Variants in ADGRL3 observed in about 807,000 individuals in gnomAD.
ADGRL3 encodes calcium-independent alpha-latrotoxin receptor 3.
A neutral mutation model predicts 153.5 loss-of-function variants in ADGRL3; 62 were observed. The ratio of observed to expected loss-of-function variants is 0.40; its 90% confidence interval spans 0.33 to 0.50. The LOEUF (loss-of-function observed/expected upper bound fraction) is 0.50. ADGRL3 is among the 20% of genes least tolerant of loss of function. ADGRL3 has a pLI of 0.47. For synonymous variants in ADGRL3, 710 were observed against 672.5 expected (o/e 1.06, Z -0.86); for missense variants, 1,641 against 1,859.4 (o/e 0.88, Z 2.16).
At chr4:61,505,331 GA>G (rs1215608260) in intron 3 of ADGRL3, among the ~76,000 whole-genome samples, 3 of 152,018 alleles carry the variant, frequency 2.0e-5, no homozygotes, top group African/African-American at 7.2e-5. Flanking sequence ...ACCCTTGTCA[GA>G]TGATAGTTTG....
Position 61,641,723 on chromosome 4 carries a change from T to G in ADGRL3, c.474-35103T>G, listed in dbSNP as rs575086933. The stretch of plus-strand genomic sequence containing the variant: ...TGGGTTGGTTCCAAGTCTTTGCTAT[T>G]GTGAATAATGCCACAATAAACATAC... On this transcript the variant is annotated intron_variant, in intron 5 of 26. Transcript: ENST00000683033. Among the ~76,000 whole-genome samples the G allele has an allele frequency of 1.4e-4, 21 of 151,916 alleles. No homozygotes were observed. The East Asian group carries it at 4.1e-3, about 30-fold the overall frequency.
At chr4:61,247,783 A>T (rs189980712) in intron 1 of ADGRL3, among the ~76,000 whole-genome samples, 49 of 152,184 alleles carry the variant, frequency 3.2e-4, no homozygotes, top group Admixed American at 6.6e-4. Context: ...AGATATTAAA[A>T]TGATACTCAA....
At chr4:61,386,191 A>G (rs2151950650) in intron 2 of ADGRL3, among the ~76,000 whole-genome samples, 1 of 152,288 alleles carries the variant, frequency 6.6e-6, no homozygotes, top group African/African-American at 2.4e-5. Flanking sequence ...AAAAATGAAG[A>G]TTATTTTACT....
At chr4:61,968,279 G>T (rs74981217) in intron 17 of ADGRL3, among the ~76,000 whole-genome samples, 3 of 152,068 alleles carry the variant, frequency 2.0e-5, no homozygotes, top group African/African-American at 7.2e-5. Context: ...AAAATGAGTC[G>T]TTTTTTCACT....
intron 5 of ADGRL3, among the ~76,000 whole-genome samples, chr4:61,618,138 C>A (rs1055812603): frequency 6.6e-6 from 1 of 152,040 alleles, no homozygotes; most frequent in African/African-American, 2.4e-5. Context: ...ATTGGTGCAA[C>A]CTTAAAACCA....
chr4:61,479,605 A>T (rs1206413058), intron 2 of ADGRL3, among the ~76,000 whole-genome samples: 1 of 152,172 alleles, frequency 6.6e-6, no homozygotes, highest in Non-Finnish European at 1.5e-5. Flanking sequence ...AACTATTTGC[A>T]GAGCCCAGCG....
chr4:61,947,335 A>G (rs2098929381), intron 16 of ADGRL3, among the ~76,000 whole-genome samples: 2 of 152,180 alleles, frequency 1.3e-5, no homozygotes, highest in African/African-American at 4.8e-5. Flanking sequence ...GAAAGCATTC[A>G]TAGATGGATT....
intron 2 of ADGRL3, chr4:61,420,260 C>A (rs1389216611): frequency 1.3e-5 from 2 of 151,972 alleles, no homozygotes; most frequent in African/African-American, 4.8e-5. Context: ...AAAATAATAT[C>A]ACTATATGAT....
intron 2 of ADGRL3, among the ~76,000 whole-genome samples, chr4:61,398,128 A>C (rs1333822832): frequency 6.6e-6 from 1 of 151,942 alleles, no homozygotes; most frequent in Non-Finnish European, 1.5e-5. Context: ...GTCTCACTGA[A>C]ACTGCAATCC....
intron 22 of ADGRL3, 143 bp from the exon 23 acceptor site, chr4:62,031,299 A>G: frequency 1.7e-6 from 1 of 592,730 alleles, no homozygotes. Flanking sequence ...TTAAAACCTT[A>G]AAGTACTTAC....
intron 2 of ADGRL3, among the ~76,000 whole-genome samples, chr4:61,490,589 A>G (rs1048271815): frequency 3.1e-4 from 47 of 152,262 alleles, no homozygotes; most frequent in African/African-American, 1.1e-3. Flanking sequence ...TATTTAAGAA[A>G]GTATTCATGA....
rs530879851 is a variant in ADGRL3 at position 61,331,805 on chromosome 4, C to T, written c.-239-51319C>T. ...TATGAAAATATATATAATTACATTACGGTATAGTCATTTTTCTAATATAAA... is the reference window on the plus strand; with the variant it reads ...TATGAAAATATATATAATTACATTATGGTATAGTCATTTTTCTAATATAAA... On this transcript the variant is annotated intron_variant, in intron 1 of 26. Coordinates refer to ENST00000683033, the MANE Select transcript of ADGRL3 (RefSeq NM_001387552.1). Among the ~76,000 whole-genome samples, 15 of 151,934 alleles carry T rather than the reference C, an allele frequency of 9.9e-5. No homozygotes were observed. In the South Asian group the frequency reaches 1.0e-3, roughly 11 times the overall value.
At position 61,698,191 on chromosome 4, in the gene ADGRL3, C is replaced by A. The variant is rs139949237; in HGVS notation, c.583+21256C>A. Among the ~76,000 whole-genome samples, 373 of 152,232 alleles carry A rather than the reference C, an allele frequency of 2.5e-3. 8 individuals carry two copies. The highest frequency in any genetic ancestry group is 8.5e-3 in the African/African-American group (355 of 41,530). ...CTGAGGCCGGGCGTGGTGGCTCATGCCTGTAATCCTAGCACTTTGGGAGGC... is the reference window on the plus strand; with the variant it reads ...CTGAGGCCGGGCGTGGTGGCTCATGACTGTAATCCTAGCACTTTGGGAGGC... On this transcript the variant is annotated intron_variant, in intron 6 of 26. Coordinates refer to ENST00000683033, the MANE Select transcript of ADGRL3 (RefSeq NM_001387552.1).
At chr4:61,888,547 A>G (rs1249434995) in intron 9 of ADGRL3, among the ~76,000 whole-genome samples, 20 of 152,212 alleles carry the variant, frequency 1.3e-4, no homozygotes, top group Non-Finnish European at 2.9e-4. Context: ...CTATTCTGCC[A>G]AAAGTTGGCA....
intron 9 of ADGRL3, among the ~76,000 whole-genome samples, chr4:61,883,140 T>C (rs369887141): frequency 6.6e-6 from 1 of 151,932 alleles, no homozygotes; most frequent in Non-Finnish European, 1.5e-5. Flanking sequence ...AACAAAAAAA[T>C]TTGCAAGTCG....
At chr4:61,827,974 C>G (rs11734607) in intron 9 of ADGRL3, among the ~76,000 whole-genome samples, 2 of 151,850 alleles carry the variant, frequency 1.3e-5, no homozygotes, top group African/African-American at 4.8e-5. Context: ...CTTTGGTCAC[C>G]GGGTGGTTAG....
chr4:61,542,388 C>G (rs928933965), intron 4 of ADGRL3, among the ~76,000 whole-genome samples: 3 of 152,090 alleles, frequency 2.0e-5, no homozygotes, highest in Admixed American at 1.3e-4. Context: ...AGTTCCCCTA[C>G]GTCTAAACAT....
chr4:61,654,225 A>G (rs2094368358), intron 5 of ADGRL3, among the ~76,000 whole-genome samples: 1 of 152,130 alleles, frequency 6.6e-6, no homozygotes, highest in Non-Finnish European at 1.5e-5. Flanking sequence ...GGTTTTTGTA[A>G]TATCTCTGAT....
chr4:61,245,162 C>T (rs1463953327), intron 1 of ADGRL3, among the ~76,000 whole-genome samples: 4 of 151,996 alleles, frequency 2.6e-5, no homozygotes, highest in Non-Finnish European at 4.4e-5. Context: ...GCTTCCATTG[C>T]CAGACTGTCA....
Sources: allele counts gnomAD v4.1 joint callset (sites outside exome capture counted in the v4.1 genomes callset), GRCh38; gene constraint gnomAD v4.1.1; transcripts MANE v1.5; gene names NCBI Gene and HGNC (gene_info 2026-07-23, HGNC 2026-07-21).